KNL1: variants seen among roughly 807,000 people sequenced by gnomAD.
KNL1 encodes the protein kinetochore scaffold 1.
KNL1 carries 66 observed loss-of-function variants against 201.3 expected under a neutral mutation model. The observed-to-expected ratio is 0.33, with a 90% confidence interval of 0.27 to 0.40. The LOEUF (loss-of-function observed/expected upper bound fraction) is 0.40, where lower values mean the gene tolerates loss of function less well. Among genes scored for constraint, KNL1 ranks in the 10% least tolerant of loss-of-function variants. The probability of loss-of-function intolerance (pLI) is 1.00; values close to 1 mark genes in which losing one functional copy is unlikely to be tolerated. For missense variants in KNL1, 2,815 were observed against 2,690.5 expected (o/e 1.05, Z -1.02); for synonymous variants, 895 against 899.2 (o/e 1.00, Z 0.08).
intron 23 of KNL1, 68 bp from the exon 24 acceptor site, chr15:40,657,287 G>A (rs1052915457): frequency 1.0e-5 from 11 of 1,081,328 alleles, no homozygotes; most frequent in Non-Finnish European, 1.6e-5. Context: ...TGAGTTCTTT[G>A]TAAGTGAGCC....
At position 40,625,192 on chromosome 15, in the gene KNL1, A is replaced by C. The variant is rs566890598; in HGVS notation, c.4928A>C (p.Asp1643Ala). ...TSLPPKTVFK[D>A]KVRRCSLGIF... Reference sequence around the variant, plus strand: ...CTACCGCCAAAGACAGTTTTTAAAGATAAAGTAAGGAGATGTTCTTTGGGA... The same window carrying C: ...CTACCGCCAAAGACAGTTTTTAAAGCTAAAGTAAGGAGATGTTCTTTGGGA... Residue 1643 changes from aspartate (D) to alanine (A), a missense_variant, in exon 10 of 26, where the codon GAT (aspartate) becomes GCT (alanine). Physicochemically the swap from Asp to Ala is moderately radical, Grantham distance 126 (BLOSUM62 -2). Transcript: ENST00000399668. 6 of 1,613,896 alleles carry C rather than the reference A, an allele frequency of 3.7e-6. No homozygotes were observed. Among genetic ancestry groups the C allele is most frequent in the Non-Finnish European group, 5.1e-6 (6 of 1,179,978 alleles).
chr15:40,662,216 A>G lies in KNL1; in HGVS notation c.*28A>G, dbSNP rs142385403. ...CCTTGGACCACCATTGGAACAACCA[A>G]GCAGAATGTACTTGATATTATTTCA... is the stretch of plus-strand genomic sequence containing the variant. On this transcript the variant is annotated 3_prime_UTR_variant, in exon 26 of 26. Coordinates refer to ENST00000399668, the MANE Select transcript of KNL1 (RefSeq NM_144508.5). 354 of 1,233,076 alleles carry G rather than the reference A, an allele frequency of 2.9e-4. No homozygotes were observed. In the African/African-American group the frequency reaches 4.4e-3, roughly 15 times the overall value. 76.4% of individuals were successfully genotyped at this position (1,233,076 alleles called of 1,614,324 possible). A position where few individuals can be genotyped will look rare whatever the true frequency, so the allele number is the denominator to read the frequency against.
At chr15:40,602,036 TG>T (rs1250557648) in intron 1 of KNL1, among the ~76,000 whole-genome samples, 2 of 149,480 alleles carry the variant, frequency 1.3e-5, no homozygotes, top group African/African-American at 2.5e-5. Flanking sequence ...GTTTTGTTTT[TG>T]TTTTTTTTTT....
At chr15:40,638,269 AAGGAAG>A (rs1893119224) in intron 13 of KNL1, among the ~76,000 whole-genome samples, 1 of 111,674 alleles carries the variant, frequency 9.0e-6, no homozygotes, top group African/African-American at 3.2e-5. Flanking sequence ...GGGGAGGGGG[AAGGAAG>A]GGAAGGGAAG....
intron 3 of KNL1, among the ~76,000 whole-genome samples, chr15:40,605,819 C>T (rs10518696): frequency 0.084 from 12,735 of 152,216 alleles, 546 homozygotes; most frequent in East Asian, 0.12. Context: ...TGGCTTTAGG[C>T]ACACTTACTG....
intron 14 of KNL1, 21 bp downstream of exon 14, chr15:40,641,048 A>G (rs1311066379): frequency 1.3e-6 from 2 of 1,508,918 alleles, no homozygotes; most frequent in Admixed American, 3.5e-5. Context: ...TTTAATTTTT[A>G]TGTGTGTTTT....
rs745708260 is a variant in KNL1 at position 40,651,583 on chromosome 15, G to C, written c.6314+11G>C. The C allele has an allele frequency of 1.2e-5, 18 of 1,551,274 alleles. No individual in the cohort carries two copies. Among genetic ancestry groups the C allele is most frequent in the Non-Finnish European group, 1.6e-5 (18 of 1,136,432 alleles). Reference sequence around the variant, plus strand: ...ACTGGATCAGTTGAGGTAAGGAAATGCAGGCATCATTTGTTTGTGTTTTAT... The same window carrying C: ...ACTGGATCAGTTGAGGTAAGGAAATCCAGGCATCATTTGTTTGTGTTTTAT... On this transcript the variant is annotated intron_variant, in intron 20 of 25. Transcript: ENST00000399668.
At chr15:40,652,209 G>A (rs1416985207) in intron 21 of KNL1, 104 bp downstream of exon 21, 1 of 608,042 alleles carries the variant, frequency 1.6e-6, no homozygotes, top group African/African-American at 1.8e-5. Flanking sequence ...TTGGCATGAT[G>A]AGAGCACTGC....
chr15:40,611,404 G>A, intron 6 of KNL1, 74 bp from the exon 7 acceptor site: 1 of 177,822 alleles, frequency 5.6e-6, no homozygotes, highest in South Asian at 1.8e-4. Context: ...ACCGGGCCCA[G>A]CTGTCCTTAA....
intron 6 of KNL1, among the ~76,000 whole-genome samples, chr15:40,611,179 G>T (rs1229727518): frequency 6.6e-6 from 1 of 151,230 alleles, no homozygotes; most frequent in Non-Finnish European, 1.5e-5. Flanking sequence ...TGCGATCTCG[G>T]CTAACTGCAA....
chr15:40,598,642 T>C (rs1033419133), intron 1 of KNL1, among the ~76,000 whole-genome samples: 37 of 151,952 alleles, frequency 2.4e-4, no homozygotes, highest in African/African-American at 8.7e-4. Context: ...ATATTGGAAA[T>C]CGAATTAGAT....
At position 40,625,593 on chromosome 15, in the gene KNL1, A is replaced by G; in HGVS notation, c.5329A>G (p.Ile1777Val). The G allele has an allele frequency of 6.2e-7, 1 of 1,609,678 alleles. No homozygotes were observed. Among genetic ancestry groups the G allele is most frequent in the Middle Eastern group, 1.7e-4 (1 of 6,036 alleles). The change falls in exon 10 of 26, where the codon ATC (isoleucine) becomes GTC (valine). Residue 1777 changes from isoleucine to valine, a missense_variant. Physicochemically the swap from Ile to Val is conservative, Grantham distance 29. Around this residue, in one of 3 missense-constraint regions of KNL1, gnomAD observed 2,464 missense variants for 2,291.7 expected, o/e 1.08. Coordinates refer to ENST00000399668, the MANE Select transcript of KNL1 (RefSeq NM_144508.5). ...EEEDIHKEKK[I>V]RKNEIKFSDT... The stretch of plus-strand genomic sequence containing the variant: ...AGAAGATATTCATAAGGAGAAAAAA[A>G]TCAGAAAAAATGAGATTAAGTTTAG...
In KNL1 at chr15:40,644,997, A is replaced by T; in HGVS notation, c.5799A>T (p.Glu1933Asp). 6.2e-7 allele frequency: 1 copy of T among 1,607,286 alleles called. No individual in the cohort carries two copies. The highest frequency in any genetic ancestry group is 8.5e-7 in the Non-Finnish European group (1 of 1,175,390). The change falls in exon 15 of 26, where the codon GAA becomes GAT. Residue 1933 changes from glutamate to aspartate, a missense_variant and splice_region_variant. By Grantham distance (45) the Glu-to-Asp change is conservative. Coordinates refer to ENST00000399668, the MANE Select transcript of KNL1 (RefSeq NM_144508.5). Reference sequence around the variant, plus strand: ...GCTAATTAACTTTTCCGTATTTTAGATTAAAGCTTTCTGCATCGAACCAAG... The same window carrying T: ...GCTAATTAACTTTTCCGTATTTTAGTTTAAAGCTTTCTGCATCGAACCAAG... ...DCEARRQKIEELKLSASNQDK... is the reference protein window; with the variant it reads ...DCEARRQKIEDLKLSASNQDK...
chr15:40,610,993 G>A (rs971777626), intron 6 of KNL1: 32 of 316,568 alleles, frequency 1.0e-4, no homozygotes, highest in African/African-American at 2.9e-4. Flanking sequence ...CAAGTGATCC[G>A]CCTGCCTTGG....
intron 2 of KNL1, among the ~76,000 whole-genome samples, chr15:40,604,004 G>C (rs185144854): frequency 1.3e-5 from 2 of 152,230 alleles, no homozygotes; most frequent in East Asian, 3.9e-4. Flanking sequence ...AGTGTCTTGT[G>C]GGGAGGTGCT....
Position 40,620,679 on chromosome 15 carries a change from A to G in KNL1, c.415A>G (p.Asn139Asp). ...IEHTRERKHA[N>D]DQTVIFSDEN... Reference sequence around the variant, plus strand: ...ACATACCCGTGAAAGGAAACATGCAAATGACCAGACAGTCATTTTTTCAGA... The same window carrying G: ...ACATACCCGTGAAAGGAAACATGCAGATGACCAGACAGTCATTTTTTCAGA... The change falls in exon 10 of 26, where the codon AAT becomes GAT. Residue 139 changes from asparagine to aspartate, a missense_variant. Physicochemically the swap from Asn to Asp is conservative, Grantham distance 23. Around this residue, in one of 3 missense-constraint regions of KNL1, gnomAD observed 2,464 missense variants for 2,291.7 expected, o/e 1.08. Coordinates refer to ENST00000399668, the MANE Select transcript of KNL1 (RefSeq NM_144508.5). 1 of 1,596,126 alleles carries G rather than the reference A, an allele frequency of 6.3e-7. No homozygotes were observed. Among genetic ancestry groups the G allele is most frequent in the Non-Finnish European group, 8.5e-7 (1 of 1,174,794 alleles).
At chr15:40,598,580 C>T (rs985513950) in intron 1 of KNL1, among the ~76,000 whole-genome samples, 14 of 151,564 alleles carry the variant, frequency 9.2e-5, no homozygotes, top group African/African-American at 2.9e-4. Context: ...CTGCCCCCTC[C>T]GGCCCCCCAA....
chr15:40,640,334 G>T (rs1192633322), intron 13 of KNL1, among the ~76,000 whole-genome samples: 1 of 151,892 alleles, frequency 6.6e-6, no homozygotes, highest in Non-Finnish European at 1.5e-5. Context: ...GACCTCAAGT[G>T]ATCTGCCTGC....
chr15:40,654,267 A>G (rs1208208485), intron 21 of KNL1, among the ~76,000 whole-genome samples: 4 of 152,194 alleles, frequency 2.6e-5, no homozygotes, highest in Non-Finnish European at 4.4e-5. Context: ...TATTTATACA[A>G]TGATAGGAGT....
Sources: gnomAD v4.1 joint callset for allele counts (sites outside exome capture counted in the v4.1 genomes callset) on GRCh38, gnomAD v4.1.1 for gene constraint, gnomAD v4.1.1 regional missense constraint, MANE v1.5 for transcripts, NCBI Gene and HGNC (gene_info 2026-07-23, HGNC 2026-07-21) for gene names.